The following CAP2 variants were observed in gnomAD, a reference collection of about 807,000 sequenced individuals.
CAP2 encodes cyclase associated actin cytoskeleton regulatory protein 2, also known as adenylyl cyclase-associated protein 2.
CAP2 carries 24 observed loss-of-function variants against 57.7 expected under a neutral mutation model. The observed-to-expected ratio is 0.42, with a 90% CI of 0.30 to 0.58. The LOEUF (loss-of-function observed/expected upper bound fraction) is 0.58, where lower values mean the gene tolerates loss of function less well. Ranked by LOEUF, CAP2 falls within the 20% of genes least tolerant of loss-of-function variation. The pLI, the probability that CAP2 is intolerant of heterozygous loss-of-function variation, is 0.22. For synonymous variants in CAP2, 194 were observed against 207.2 expected, an observed-to-expected ratio of 0.94 and a Z score of 0.55; for missense variants, 501 against 590.3, an observed-to-expected ratio of 0.85 and a Z score of 1.57.
intron 9 of CAP2, among the ~76,000 whole-genome samples, chr6:17,542,516 G>A (rs1762929695): frequency 6.6e-6 from 1 of 152,150 alleles, no homozygotes; most frequent in Admixed American, 6.5e-5. Context: ...TGACACAGCA[G>A]GTTTTGCTGC....
At chr6:17,414,269 T>C (rs1006036151) in intron 1 of CAP2, among the ~76,000 whole-genome samples, 1 of 149,082 alleles carries the variant, frequency 6.7e-6, no homozygotes, top group Non-Finnish European at 1.5e-5. Flanking sequence ...TCCTTTTTTT[T>C]TTCTTTATTT....
chr6:17,423,730 A>T (rs924732145), intron 2 of CAP2, among the ~76,000 whole-genome samples: 2 of 152,248 alleles, frequency 1.3e-5, no homozygotes, highest in African/African-American at 4.8e-5. Context: ...TAATAGGCTA[A>T]GTAGAATTAG....
intron 3 of CAP2, among the ~76,000 whole-genome samples, chr6:17,454,335 G>A (rs1760498017): frequency 6.6e-6 from 1 of 151,978 alleles, no homozygotes; most frequent in African/African-American, 2.4e-5. Flanking sequence ...GGGCTTTGGA[G>A]GCCAGGCAAA....
chr6:17,450,103 G>A (rs538350276), intron 3 of CAP2, among the ~76,000 whole-genome samples: 1 of 150,692 alleles, frequency 6.6e-6, no homozygotes, highest in Admixed American at 6.6e-5. Context: ...CCAGGCTGGA[G>A]TGCAGTGGCA....
chr6:17,489,474 A>G (rs571576789), intron 4 of CAP2, among the ~76,000 whole-genome samples: 4 of 151,900 alleles, frequency 2.6e-5, no homozygotes, highest in Admixed American at 2.6e-4. Flanking sequence ...GAAAATCAGA[A>G]TACAGTAACT....
At chr6:17,497,682 T>C (rs762812586) in intron 4 of CAP2, among the ~76,000 whole-genome samples, 1 of 152,230 alleles carries the variant, frequency 6.6e-6, no homozygotes, top group Non-Finnish European at 1.5e-5. Context: ...AGTTCCCTTA[T>C]ACAAGGGAAA....
intron 1 of CAP2, among the ~76,000 whole-genome samples, chr6:17,403,645 A>C (rs1758872880): frequency 6.6e-6 from 1 of 152,256 alleles, no homozygotes; most frequent in South Asian, 2.1e-4. Context: ...AATTTAAATA[A>C]TGTTTTTGAT....
At chr6:17,528,205 G>T (rs1762556946) in intron 7 of CAP2, among the ~76,000 whole-genome samples, 1 of 152,232 alleles carries the variant, frequency 6.6e-6, no homozygotes, top group East Asian at 1.9e-4. Flanking sequence ...CCTAGGCTAA[G>T]CCACGAGGTT....
At chr6:17,532,740 T>TCAA (rs113165026) in intron 7 of CAP2, among the ~76,000 whole-genome samples, 12,010 of 123,996 alleles carry the variant, frequency 0.097, 664 homozygotes, top group South Asian at 0.16. Flanking sequence ...TGAGCGATAC[T>TCAA]AAAAAAAAAA....
rs566776891 is a variant in CAP2, at chr6:17,401,342, C to T, written c.-2+7596C>T. Among the ~76,000 whole-genome samples the T allele has an allele frequency of 1.3e-4, 20 of 152,322 alleles. No individual in the cohort carries two copies. In the South Asian group the frequency reaches 1.9e-3, roughly 14 times the overall value. ...TCTGCATTGATCTTGGACTTCCCAA[C>T]CTCCAGAACTGTGAGAAATAAATTT... is the stretch of plus-strand genomic sequence containing the variant. On this transcript the variant is annotated intron_variant, in intron 1 of 12. Coordinates refer to ENST00000229922, the MANE Select transcript of CAP2 (RefSeq NM_006366.3).
chr6:17,425,965 C>A (rs554650648), intron 2 of CAP2, among the ~76,000 whole-genome samples: 1 of 151,756 alleles, frequency 6.6e-6, no homozygotes, highest in Non-Finnish European at 1.5e-5. Context: ...CACGGTGGCA[C>A]GCATCTATGG....
chr6:17,508,846 C>T (rs1191120035), intron 6 of CAP2, among the ~76,000 whole-genome samples: 2 of 151,756 alleles, frequency 1.3e-5, no homozygotes, highest in African/African-American at 4.8e-5. Context: ...CAACCTCTGC[C>T]TCCCGGGTTC....
chr6:17,502,197 A>G (rs1453339010), intron 4 of CAP2, among the ~76,000 whole-genome samples: 1 of 152,224 alleles, frequency 6.6e-6, no homozygotes, highest in Non-Finnish European at 1.5e-5. Context: ...TTTAATTGAC[A>G]TCAATGCAAA....
chr6:17,446,864 G>A (rs7745495), intron 3 of CAP2, among the ~76,000 whole-genome samples: 74,898 of 152,118 alleles, frequency 0.49, 19,301 homozygotes, highest in East Asian at 0.84. Flanking sequence ...TGGCTGCAGG[G>A]CACCCTAGTG....
Position 17,540,970 on chromosome 6 carries a change from T to C in CAP2, c.827-3T>C. The C allele has an allele frequency of 6.2e-7, 1 of 1,613,108 alleles. No homozygotes were observed. Among genetic ancestry groups the C allele is most frequent in the South Asian group, 1.1e-5 (1 of 91,008 alleles). ...AATGTGTCCATGTGTGTTGTCCTCCTAGGGCTCCGCCATGTCACAGATGAC... is the reference window on the plus strand; with the variant it reads ...AATGTGTCCATGTGTGTTGTCCTCCCAGGGCTCCGCCATGTCACAGATGAC... On this transcript the variant is annotated splice_polypyrimidine_tract_variant and splice_region_variant and intron_variant, in intron 8 of 12. Coordinates refer to ENST00000229922, the MANE Select transcript of CAP2 (RefSeq NM_006366.3).
chr6:17,505,007 A>AG (rs1761940332), intron 4 of CAP2, among the ~76,000 whole-genome samples: 1 of 152,176 alleles, frequency 6.6e-6, no homozygotes, highest in African/African-American at 2.4e-5. Context: ...CACATATTAC[A>AG]GGGGACAACA....
chr6:17,495,946 A>G (rs1275792177), intron 4 of CAP2, among the ~76,000 whole-genome samples: 2 of 128,636 alleles, frequency 1.6e-5, no homozygotes, highest in African/African-American at 5.8e-5. Flanking sequence ...ATCCCAGTGC[A>G]GTGGGGGGAT....
At chr6:17,481,768 G>A (rs911004212) in intron 4 of CAP2, among the ~76,000 whole-genome samples, 5 of 152,004 alleles carry the variant, frequency 3.3e-5, no homozygotes, top group Non-Finnish European at 7.4e-5. Flanking sequence ...AATGACCCTG[G>A]GCAAGTACCT....
chr6:17,554,441 T>C (rs1763247155), intron 12 of CAP2, among the ~76,000 whole-genome samples: 1 of 152,348 alleles, frequency 6.6e-6, no homozygotes, highest in East Asian at 1.9e-4. Flanking sequence ...CTTGTCCTTA[T>C]ACAGTGGGGT....
Sources: gnomAD v4.1 joint callset for allele counts (sites outside exome capture counted in the v4.1 genomes callset) on GRCh38, gnomAD v4.1.1 for gene constraint, MANE v1.5 for transcripts, NCBI Gene and HGNC (gene_info 2026-07-23, HGNC 2026-07-21) for gene names.